The following AP4E1 variants were observed in gnomAD, a reference collection of about 807,000 sequenced individuals.
The protein encoded by AP4E1 is AP-4 complex subunit epsilon-1.
Under a neutral mutation model 128.2 loss-of-function variants are expected in AP4E1, and 56 were observed. The observed-to-expected ratio is 0.44, with a 90% CI of 0.35 to 0.55. The LOEUF (loss-of-function observed/expected upper bound fraction) is 0.55. AP4E1 is among the 20% of genes least tolerant of loss of function. The pLI is 0.00. For synonymous variants in AP4E1, 484 were observed against 473.1 expected, an observed-to-expected ratio of 1.02 and a Z score of -0.30; for missense variants, 1,324 against 1,307.7, an observed-to-expected ratio of 1.01 and a Z score of -0.19.
intron 7 of AP4E1, among the ~76,000 whole-genome samples, chr15:50,931,614 G>T (rs766724211): frequency 2.0e-5 from 3 of 152,060 alleles, no homozygotes; most frequent in Non-Finnish European, 4.4e-5. Flanking sequence ...GGCTTTGTGG[G>T]CCATATGTTG....
intron 2 of AP4E1, among the ~76,000 whole-genome samples, chr15:50,914,665 A>C (rs1305207049): frequency 1.3e-5 from 2 of 151,978 alleles, no homozygotes; most frequent in East Asian, 3.8e-4. Flanking sequence ...AAAAAAAAAA[A>C]AAAAAAGTCT....
chr15:50,915,735 G>C, intron 3 of AP4E1, 164 bp downstream of exon 3: 1 of 866,288 alleles, frequency 1.2e-6, no homozygotes, highest in Non-Finnish European at 1.7e-6. Flanking sequence ...CCATTTATAG[G>C]AAATCAGTTT....
At chr15:50,955,654 A>G (rs2064212323) in intron 13 of AP4E1, among the ~76,000 whole-genome samples, 1 of 152,066 alleles carries the variant, frequency 6.6e-6, no homozygotes, top group Admixed American at 6.6e-5. Context: ...CCACTGACAC[A>G]CTCCCATCAG....
At chr15:50,960,855 C>T (rs566824275) in intron 14 of AP4E1, among the ~76,000 whole-genome samples, 8 of 149,274 alleles carry the variant, frequency 5.4e-5, no homozygotes, top group African/African-American at 1.7e-4. Context: ...TTATTTTGAA[C>T]AATAAACAAA....
chr15:50,919,433 G>A (rs970723775), intron 3 of AP4E1, among the ~76,000 whole-genome samples: 1 of 151,970 alleles, frequency 6.6e-6, no homozygotes, highest in Admixed American at 6.6e-5. Flanking sequence ...TTGGAAGGCT[G>A]AGGCAGGAGA....
chr15:50,985,308 G>T (rs952186280), intron 16 of AP4E1, among the ~76,000 whole-genome samples: 1 of 152,130 alleles, frequency 6.6e-6, no homozygotes, highest in African/African-American at 2.4e-5. Context: ...AAGCTCTTTC[G>T]TTTAATTAGA....
chr15:50,915,669 G>C, intron 3 of AP4E1, 98 bp downstream of exon 3: 1 of 1,366,712 alleles, frequency 7.3e-7, no homozygotes, highest in South Asian at 1.2e-5. Context: ...TATGTTTTTA[G>C]AATACTGTAT....
intron 11 of AP4E1, among the ~76,000 whole-genome samples, 180 bp downstream of exon 11, chr15:50,948,339 C>CTT (rs66467957): frequency 0.049 from 5,924 of 121,932 alleles, 151 homozygotes; most frequent in Middle Eastern, 0.08. Context: ...TAGGAGATGG[C>CTT]TTTTTTTTTT....
intron 2 of AP4E1, among the ~76,000 whole-genome samples, chr15:50,912,757 G>A (rs1297368978): frequency 1.3e-5 from 2 of 151,898 alleles, no homozygotes; most frequent in African/African-American, 2.4e-5. Flanking sequence ...CTGCCTCCTG[G>A]ATTCAACCGA....
intron 2 of AP4E1, 125 bp from the exon 3 acceptor site, chr15:50,915,323 G>A (rs1250421507): frequency 3.0e-6 from 3 of 983,978 alleles, no homozygotes; most frequent in East Asian, 2.6e-5. Flanking sequence ...TGATTAATTT[G>A]TAATATATAT....
intron 3 of AP4E1, among the ~76,000 whole-genome samples, chr15:50,922,946 T>A (rs1169375761): frequency 6.6e-6 from 1 of 151,870 alleles, no homozygotes; most frequent in Non-Finnish European, 1.5e-5. Flanking sequence ...CCTGGCTAAT[T>A]TTTTGTATTT....
At chr15:50,951,444 G>A (rs1320227160) in intron 13 of AP4E1, among the ~76,000 whole-genome samples, 3 of 152,048 alleles carry the variant, frequency 2.0e-5, no homozygotes, top group Admixed American at 6.6e-5. Flanking sequence ...CAAGACAGAG[G>A]TCACAATTTT....
intron 13 of AP4E1, among the ~76,000 whole-genome samples, chr15:50,951,314 T>C (rs2064146943): frequency 6.6e-6 from 1 of 152,222 alleles, no homozygotes; most frequent in Admixed American, 6.5e-5. Flanking sequence ...GGGTTTTGCT[T>C]GCATACTGTT....
At chr15:50,985,575 C>T (rs2064709533) in intron 16 of AP4E1, among the ~76,000 whole-genome samples, 1 of 152,148 alleles carries the variant, frequency 6.6e-6, no homozygotes. Flanking sequence ...GGAATCCTTT[C>T]CCCATTTCTT....
chr15:50,946,870 C>T (rs902606450), intron 10 of AP4E1, among the ~76,000 whole-genome samples: 4 of 152,158 alleles, frequency 2.6e-5, no homozygotes, highest in Non-Finnish European at 5.9e-5. Flanking sequence ...TTCCTCAGCA[C>T]TTAGAAAGTA....
intron 2 of AP4E1, among the ~76,000 whole-genome samples, chr15:50,913,469 A>G (rs910920447): frequency 2.0e-5 from 3 of 152,244 alleles, no homozygotes; most frequent in African/African-American, 7.2e-5. Context: ...TTTGAAAGGA[A>G]GGTTTTATAA....
intron 18 of AP4E1, 107 bp from the exon 19 acceptor site, chr15:50,998,965 A>G: frequency 9.6e-7 from 1 of 1,040,380 alleles, no homozygotes; most frequent in Non-Finnish European, 1.5e-6. Flanking sequence ...TTAACTTCCC[A>G]TATTAGTATG....
At position 51,005,266 on chromosome 15, in the gene AP4E1, A is replaced by G. The variant is rs551860889; in HGVS notation, c.*2604A>G. On this transcript the variant is annotated 3_prime_UTR_variant, in exon 21 of 21. Transcript: ENST00000261842. The stretch of plus-strand genomic sequence containing the variant: ...GTGAAGGGACAACATCTGGGGTAAG[A>G]GCTATGGAGGAGGTGCTCAGCTTTG... 6.6e-6 allele frequency: 1 copy of G among 152,550 alleles called. No individual in the cohort carries two copies. Among genetic ancestry groups the G allele is most frequent in the East Asian group, 1.9e-4 (1 of 5,186 alleles). 9.4% of individuals were successfully genotyped at this position (152,550 alleles called of 1,614,324 possible). A position where few individuals can be genotyped will look rare whatever the true frequency, so the allele number is the denominator to read the frequency against.
In AP4E1 at chr15:50,993,662, C is replaced by A. The variant is rs755118847; in HGVS notation, c.2346+37C>A. ...GTTCTATTCCTGTAAGAATCTTTGT[C>A]ATCTGTCTGTACAAAAAAAACTGGC... On this transcript the variant is annotated intron_variant, in intron 17 of 20. Transcript: ENST00000261842. 8 of 1,612,466 alleles carry A rather than the reference C, an allele frequency of 5.0e-6. No homozygotes were observed. In the Admixed American group the frequency reaches 1.2e-4, roughly 24 times the overall value.
Sources: gnomAD v4.1 joint callset for allele counts (sites outside exome capture counted in the v4.1 genomes callset) on GRCh38, gnomAD v4.1.1 for gene constraint, MANE v1.5 for transcripts, NCBI Gene and HGNC (gene_info 2026-07-23, HGNC 2026-07-21) for gene names.